Variants in TAFA1 observed in about 807,000 individuals in gnomAD.
TAFA1 encodes TAFA chemokine like family member 1, also known as chemokine-like protein TAFA-1.
Under a neutral mutation model 18.5 loss-of-function variants are expected in TAFA1, and 4 were observed. The ratio of observed to expected loss-of-function variants is 0.22; its 90% CI spans 0.11 to 0.49. The LOEUF (loss-of-function observed/expected upper bound fraction) is 0.49. TAFA1 is among the 20% of genes least tolerant of loss of function. The probability of loss-of-function intolerance (pLI) is 0.98; values close to 1 mark genes in which losing one functional copy is unlikely to be tolerated. For missense variants in TAFA1, 147 were observed against 169.0 expected (o/e 0.87, Z 0.72); for synonymous variants, 56 against 55.2 (o/e 1.01, Z -0.06).
intron 3 of TAFA1, among the ~76,000 whole-genome samples, chr3:68,439,408 C>CAT (rs1341782542): frequency 3.5e-5 from 1 of 28,234 alleles, no homozygotes; most frequent in African/African-American, 2.1e-4. Flanking sequence ...AATATATATA[C>CAT]ATACATATAT....
At chr3:68,526,664 C>T (rs1434133927) in intron 3 of TAFA1, among the ~76,000 whole-genome samples, 3 of 152,066 alleles carry the variant, frequency 2.0e-5, no homozygotes, top group African/African-American at 7.2e-5. Flanking sequence ...TAATAGTACT[C>T]TCATAATGTA....
At chr3:68,204,408 A>C (rs928450650) in intron 2 of TAFA1, among the ~76,000 whole-genome samples, 3 of 151,184 alleles carry the variant, frequency 2.0e-5, no homozygotes, top group African/African-American at 7.3e-5. Context: ...CCCCAGAAAA[A>C]TTAGTTTAAC....
At chr3:68,090,736 C>A (rs114557572) in intron 2 of TAFA1, among the ~76,000 whole-genome samples, 2,154 of 152,222 alleles carry the variant, frequency 0.014, 58 homozygotes, top group African/African-American at 0.049. Flanking sequence ...AGGCTGGATG[C>A]CTTTTACTTG....
intron 3 of TAFA1, among the ~76,000 whole-genome samples, chr3:68,437,952 G>T (rs1000721708): frequency 1.3e-5 from 2 of 152,052 alleles, no homozygotes; most frequent in Non-Finnish European, 2.9e-5. Context: ...CAAGACACAC[G>T]GTGGGAGAGA....
At position 68,195,438 on chromosome 3, in the gene TAFA1, G is replaced by A. The variant is rs905977920; in HGVS notation, c.118+188694G>A. 9.4e-5 allele frequency among the ~76,000 whole-genome samples: 14 copies of A among 149,474 alleles called. 1 individual carries two copies. Among genetic ancestry groups the A allele is most frequent in the Admixed American group, 3.4e-4 (5 of 14,852 alleles). On this transcript the variant is annotated intron_variant, in intron 2 of 4. Transcript: ENST00000478136. ...TATGATCATGTCTTATCTGAAATTC[G>A]ACATTATGACCATTCTGTCTCTAAA...
At chr3:68,034,688 C>A (rs1184902321) in intron 2 of TAFA1, among the ~76,000 whole-genome samples, 2 of 152,140 alleles carry the variant, frequency 1.3e-5, no homozygotes, top group African/African-American at 2.4e-5. Context: ...TGAGGAGGAA[C>A]ATTTTCTGTT....
At chr3:68,309,552 A>G (rs2068480028) in intron 2 of TAFA1, among the ~76,000 whole-genome samples, 1 of 152,200 alleles carries the variant, frequency 6.6e-6, no homozygotes, top group South Asian at 2.1e-4. Flanking sequence ...GAATATTTAC[A>G]CTGAGAGACC....
intron 2 of TAFA1, among the ~76,000 whole-genome samples, chr3:68,026,742 T>A (rs533668047): frequency 7.9e-5 from 12 of 152,294 alleles, no homozygotes; most frequent in Admixed American, 1.3e-4. Flanking sequence ...CTAACTACTG[T>A]CCTGTATGTT....
intron 2 of TAFA1, among the ~76,000 whole-genome samples, chr3:68,219,803 G>T (rs2066707740): frequency 6.6e-6 from 1 of 151,956 alleles, no homozygotes; most frequent in African/African-American, 2.4e-5. Context: ...AGATTTTACA[G>T]GGTGTATACA....
intron 2 of TAFA1, among the ~76,000 whole-genome samples, chr3:68,106,914 GA>G (rs2065210850): frequency 6.6e-6 from 1 of 152,128 alleles, no homozygotes; most frequent in South Asian, 2.1e-4. Context: ...AAATAAAGGG[GA>G]AAACCCCTAA....
At chr3:68,352,681 A>G (rs188188173) in intron 2 of TAFA1, among the ~76,000 whole-genome samples, 87 of 152,180 alleles carry the variant, frequency 5.7e-4, no homozygotes, top group African/African-American at 1.9e-3. Context: ...GGCATGACAT[A>G]TTCTGGTTTC....
At chr3:68,107,089 G>A (rs1211195169) in intron 2 of TAFA1, among the ~76,000 whole-genome samples, 1 of 152,130 alleles carries the variant, frequency 6.6e-6, no homozygotes, top group Non-Finnish European at 1.5e-5. Flanking sequence ...AACATTACCA[G>A]TTCATAGGAG....
intron 2 of TAFA1, among the ~76,000 whole-genome samples, chr3:68,041,445 A>G (rs1409838733): frequency 6.6e-6 from 1 of 152,170 alleles, no homozygotes; most frequent in African/African-American, 2.4e-5. Context: ...AGACTATTTC[A>G]TGCATCTTTG....
intron 2 of TAFA1, among the ~76,000 whole-genome samples, chr3:68,339,402 G>A (rs1012161986): frequency 9.9e-5 from 15 of 152,178 alleles, no homozygotes; most frequent in Admixed American, 3.3e-4. Flanking sequence ...TGTGATTACT[G>A]TTTATAAATG....
At chr3:68,012,785 A>G (rs62249389) in intron 2 of TAFA1, among the ~76,000 whole-genome samples, 1 of 152,082 alleles carries the variant, frequency 6.6e-6, no homozygotes, top group Non-Finnish European at 1.5e-5. Context: ...GAGAATAAGT[A>G]GGAAAATATC....
chr3:68,354,574 T>A (rs1352257536), intron 2 of TAFA1, among the ~76,000 whole-genome samples: 1 of 152,010 alleles, frequency 6.6e-6, no homozygotes, highest in Non-Finnish European at 1.5e-5. Flanking sequence ...AGAACAAATT[T>A]AAGGAAATAA....
chr3:68,252,454 T>C (rs938031586), intron 2 of TAFA1, among the ~76,000 whole-genome samples: 1 of 152,180 alleles, frequency 6.6e-6, no homozygotes, highest in African/African-American at 2.4e-5. Flanking sequence ...AAATTGAATC[T>C]GACAGTACTG....
At chr3:68,050,947 C>T (rs761763447) in intron 2 of TAFA1, among the ~76,000 whole-genome samples, 2 of 152,166 alleles carry the variant, frequency 1.3e-5, no homozygotes, top group Admixed American at 6.6e-5. Context: ...AGTATCTTTT[C>T]CTACAGCTGC....
intron 2 of TAFA1, among the ~76,000 whole-genome samples, chr3:68,353,347 A>G (rs1465128286): frequency 6.6e-6 from 1 of 152,098 alleles, no homozygotes; most frequent in East Asian, 1.9e-4. Context: ...TCTGTTTCTT[A>G]AGTAAAGCCT....
Sources: allele counts gnomAD v4.1 joint callset (sites outside exome capture counted in the v4.1 genomes callset), GRCh38; gene constraint gnomAD v4.1.1; transcripts MANE v1.5; gene names NCBI Gene and HGNC (gene_info 2026-07-23, HGNC 2026-07-21).